The following GALNT2 variants were observed in gnomAD, a reference collection of about 807,000 sequenced individuals.
GALNT2 encodes the protein UDP-GalNAc:polypeptide N-acetylgalactosaminyltransferase 2.
Under a neutral mutation model 81.4 loss-of-function variants are expected in GALNT2, and 31 were observed. The ratio of observed to expected loss-of-function variants is 0.38; its 90% CI spans 0.29 to 0.51. GALNT2 has a LOEUF of 0.51. Ranked by LOEUF, GALNT2 falls within the 20% of genes least tolerant of loss-of-function variation. The pLI, the probability that GALNT2 is intolerant of heterozygous loss-of-function variation, is 0.87. For synonymous variants in GALNT2, 303 were observed against 287.4 expected (o/e 1.05, Z -0.55); for missense variants, 629 against 765.7 (o/e 0.82, Z 2.11).
intron 2 of GALNT2, among the ~76,000 whole-genome samples, chr1:230,185,054 G>A (rs1352548981): frequency 6.6e-6 from 1 of 152,078 alleles, no homozygotes; most frequent in Non-Finnish European, 1.5e-5. Context: ...TCTCTACAGT[G>A]TTTTTGATCT....
At chr1:230,099,782 A>G (rs895259975) in intron 1 of GALNT2, among the ~76,000 whole-genome samples, 1 of 152,192 alleles carries the variant, frequency 6.6e-6, no homozygotes, top group African/African-American at 2.4e-5. Context: ...GGCTGAACCC[A>G]AAAGGGCTCA....
intron 1 of GALNT2, among the ~76,000 whole-genome samples, chr1:230,075,441 C>G (rs1294079830): frequency 6.6e-6 from 1 of 152,150 alleles, no homozygotes; most frequent in Non-Finnish European, 1.5e-5. Context: ...TCATTTTTAC[C>G]TTTTGCTCCA....
At chr1:230,116,418 C>T (rs759732604) in intron 1 of GALNT2, among the ~76,000 whole-genome samples, 7 of 152,194 alleles carry the variant, frequency 4.6e-5, no homozygotes, top group South Asian at 2.1e-4. Flanking sequence ...TTAGTAGAGA[C>T]GGGGTTTCAC....
chr1:230,062,758 T>C (rs533752553), upstream of GALNT2, among the ~76,000 whole-genome samples: 58 of 152,300 alleles, frequency 3.8e-4, no homozygotes, highest in Non-Finnish European at 6.9e-4. Context: ...TCCATTTATC[T>C]GTTGATAGAT....
intron 1 of GALNT2, among the ~76,000 whole-genome samples, chr1:230,119,653 A>G (rs1660954366): frequency 1.3e-5 from 2 of 151,928 alleles, no homozygotes; most frequent in Admixed American, 6.5e-5. Context: ...CACCCCCACT[A>G]TTTGTTTACC....
At chr1:230,226,177 T>C (rs1221835134) in intron 3 of GALNT2, among the ~76,000 whole-genome samples, 1 of 152,232 alleles carries the variant, frequency 6.6e-6, no homozygotes, top group Non-Finnish European at 1.5e-5. Flanking sequence ...TCTGTGTCCA[T>C]GGGCAGCTGC....
intron 1 of GALNT2, among the ~76,000 whole-genome samples, chr1:230,132,899 T>C (rs1364580589): frequency 4.6e-5 from 7 of 152,182 alleles, no homozygotes; most frequent in Non-Finnish European, 7.4e-5. Flanking sequence ...CACCCTATTA[T>C]AGAACTGATG....
intron 1 of GALNT2, among the ~76,000 whole-genome samples, chr1:230,147,633 C>T (rs1028894411): frequency 5.3e-5 from 8 of 152,230 alleles, no homozygotes; most frequent in African/African-American, 9.6e-5. Flanking sequence ...TTCGATTCTG[C>T]GAACAGTGGC....
chr1:230,163,744 G>A (rs918344911), intron 1 of GALNT2, among the ~76,000 whole-genome samples: 4 of 152,234 alleles, frequency 2.6e-5, no homozygotes, highest in African/African-American at 9.6e-5. Flanking sequence ...GTAGATCTTG[G>A]TAAAATTACT....
intron 1 of GALNT2, among the ~76,000 whole-genome samples, chr1:230,114,915 A>T (rs1455585910): frequency 6.6e-6 from 1 of 151,790 alleles, no homozygotes; most frequent in African/African-American, 2.4e-5. Context: ...AGCTTCCCCT[A>T]TTAGTTTCCC....
At chr1:230,214,079 G>A (rs1224703368) in intron 3 of GALNT2, among the ~76,000 whole-genome samples, 1 of 149,042 alleles carries the variant, frequency 6.7e-6, no homozygotes, top group Non-Finnish European at 1.5e-5. Context: ...GCAATGAATT[G>A]TATCCTTTTG....
chr1:230,081,532 G>GT (rs1659729920), intron 1 of GALNT2, among the ~76,000 whole-genome samples: 2 of 152,170 alleles, frequency 1.3e-5, no homozygotes, highest in African/African-American at 4.8e-5. Flanking sequence ...ATTAGGAAAT[G>GT]TTCTTTCATT....
intron 1 of GALNT2, among the ~76,000 whole-genome samples, chr1:230,155,988 C>T (rs914839048): frequency 5.9e-5 from 9 of 151,842 alleles, no homozygotes; most frequent in African/African-American, 2.2e-4. Flanking sequence ...GTGTGGTGGG[C>T]TCTGTCTGGG....
At chr1:230,100,395 C>T (rs895483211) in intron 1 of GALNT2, among the ~76,000 whole-genome samples, 6 of 147,856 alleles carry the variant, frequency 4.1e-5, no homozygotes, top group African/African-American at 1.2e-4. Flanking sequence ...GGCGCGACCT[C>T]GGCTCACTGC....
At chr1:230,192,178 T>TA (rs1663548128) in intron 2 of GALNT2, among the ~76,000 whole-genome samples, 1 of 152,204 alleles carries the variant, frequency 6.6e-6, no homozygotes. Flanking sequence ...TTTCCCCACT[T>TA]AAAAGTGAGT....
At chr1:230,137,415 A>C (rs1268429995) in intron 1 of GALNT2, among the ~76,000 whole-genome samples, 2 of 152,188 alleles carry the variant, frequency 1.3e-5, no homozygotes, top group Non-Finnish European at 2.9e-5. Flanking sequence ...CCATGGTCAG[A>C]GAGCCTGCAG....
chr1:230,258,507 G>T (rs1232064383), intron 11 of GALNT2, among the ~76,000 whole-genome samples: 1 of 152,138 alleles, frequency 6.6e-6, no homozygotes, highest in Non-Finnish European at 1.5e-5. Flanking sequence ...TTATAGACGT[G>T]AGCCACCGTG....
intron 8 of GALNT2, among the ~76,000 whole-genome samples, chr1:230,247,097 T>G: frequency 6.7e-6 from 1 of 148,912 alleles, no homozygotes; most frequent in African/African-American, 2.5e-5. Context: ...AAAAAAAAAT[T>G]AGCTGCGTGT....
chr1:230,218,559 A>G (rs1352232388), intron 3 of GALNT2, among the ~76,000 whole-genome samples: 3 of 152,346 alleles, frequency 2.0e-5, no homozygotes, highest in African/African-American at 4.8e-5. Context: ...ACTAGCTGCT[A>G]TTCAGGAAGC....
Sources: gnomAD v4.1 joint callset for allele counts (sites outside exome capture counted in the v4.1 genomes callset) on GRCh38, gnomAD v4.1.1 for gene constraint, MANE v1.5 for transcripts, NCBI Gene and HGNC (gene_info 2026-07-23, HGNC 2026-07-21) for gene names.